PCDHA8: variants seen among roughly 807,000 people sequenced by gnomAD.
PCDHA8 encodes the protein protocadherin alpha-8.
In PCDHA8, 53 loss-of-function variants were observed where a neutral mutation model predicts 61.8. That is an observed-to-expected ratio of 0.86 (90% CI 0.69 to 1.08). The LOEUF (loss-of-function observed/expected upper bound fraction) is 1.08. PCDHA8 is among the 50% of genes least tolerant of loss of function. The pLI is 0.00. For synonymous variants in PCDHA8, 618 were observed against 556.6 expected, an observed-to-expected ratio of 1.11 and a Z score of -1.55; for missense variants, 1,293 against 1,245.0, an observed-to-expected ratio of 1.04 and a Z score of -0.58.
rs2150363513 is a variant in PCDHA8 at position 140,843,612 on chromosome 5, C to T, written c.2291C>T (p.Pro764Leu). The T allele has an allele frequency of 2.5e-6, 4 of 1,595,894 alleles. No individual in the cohort carries two copies. In the African/African-American group the frequency reaches 5.4e-5, roughly 21 times the overall value. Residue 764 changes from proline to leucine, a missense_variant, in exon 1 of 4, where the codon CCA becomes CTA. Coordinates refer to ENST00000531613, the MANE Select transcript of PCDHA8 (RefSeq NM_018911.3). ...CAGAGGGTGTGCTCTGGTGAGGGGC[C>T]ACCGAAGACGGACCTCATGGCCTTC... ...QPQRVCSGEG[P>L]PKTDLMAFSP...
At chr5:140,927,893 A>G (rs1554205201) in intron 1 of PCDHA8, 1 of 1,614,050 alleles carries the variant, frequency 6.2e-7, no homozygotes, top group Non-Finnish European at 8.5e-7. Flanking sequence ...ACTGACGTGA[A>G]CGATCATGCC....
intron 1 of PCDHA8, among the ~76,000 whole-genome samples, chr5:140,903,649 T>C (rs1335268583): frequency 6.6e-6 from 1 of 152,236 alleles, no homozygotes; most frequent in Non-Finnish European, 1.5e-5. Context: ...CATATACATA[T>C]ATTATAAATT....
intron 1 of PCDHA8, chr5:140,850,885 G>C: frequency 1.3e-6 from 2 of 1,582,746 alleles, no homozygotes; most frequent in South Asian, 1.1e-5. Flanking sequence ...GATTCAACTG[G>C]GAAGGTGGGT....
At chr5:140,997,656 T>G (rs2153947694) in intron 3 of PCDHA8, among the ~76,000 whole-genome samples, 1 of 149,610 alleles carries the variant, frequency 6.7e-6, no homozygotes. Flanking sequence ...GCAATATGTA[T>G]TATTATACAG....
At position 140,842,431 on chromosome 5, in the gene PCDHA8, C is replaced by T. The variant is rs2150335989; in HGVS notation, c.1110C>T (p.Ala370=). ...ACGCTCAATTTGGTACTGTCATCGCCCTAATTAGCGTGAACGACCTCGATT... is the reference window on the plus strand; with the variant it reads ...ACGCTCAATTTGGTACTGTCATCGCTCTAATTAGCGTGAACGACCTCGATT... ...REDAQFGTVI[A]LISVNDLDSG... The change falls in exon 1 of 4, where the codon GCC becomes GCT. Residue 370 remains alanine (A), a synonymous_variant. Transcript: ENST00000531613. 2.5e-6 allele frequency: 4 copies of T among 1,613,646 alleles called. No individual in the cohort carries two copies. The highest frequency in any genetic ancestry group is 3.4e-6 in the Non-Finnish European group (4 of 1,179,682).
At chr5:140,984,013 A>G (rs1258063909) in intron 3 of PCDHA8, among the ~76,000 whole-genome samples, 1 of 152,234 alleles carries the variant, frequency 6.6e-6, no homozygotes, top group Non-Finnish European at 1.5e-5. Context: ...TAATATTGCC[A>G]GATTGCAAGG....
At chr5:140,967,649 T>C in intron 1 of PCDHA8, 1 of 1,614,132 alleles carries the variant, frequency 6.2e-7, no homozygotes. Context: ...GCTCAGGTAC[T>C]CCTTGAGCAG....
chr5:140,853,046 T>G (rs546337330), intron 1 of PCDHA8: 2 of 266,574 alleles, frequency 7.5e-6, no homozygotes, highest in Non-Finnish European at 1.2e-5. Flanking sequence ...GCCCGCCTAA[T>G]TTTTTTGTAT....
intron 1 of PCDHA8, among the ~76,000 whole-genome samples, chr5:140,881,147 A>T (rs982102013): frequency 1.3e-5 from 2 of 152,356 alleles, no homozygotes; most frequent in East Asian, 3.9e-4. Context: ...ATAACAATAG[A>T]TAAAAGTAAG....
chr5:140,922,876 A>G (rs782530609), intron 1 of PCDHA8, among the ~76,000 whole-genome samples: 10 of 152,234 alleles, frequency 6.6e-5, no homozygotes, highest in Non-Finnish European at 1.3e-4. Flanking sequence ...GAAAAAATCC[A>G]AAGACATCAT....
At chr5:140,980,347 C>G (rs1329268780) in intron 2 of PCDHA8, among the ~76,000 whole-genome samples, 2 of 152,132 alleles carry the variant, frequency 1.3e-5, no homozygotes, top group African/African-American at 4.8e-5. Context: ...ACATAACTTC[C>G]TGGACTGGGC....
At chr5:140,926,693 C>T (rs576013331) in intron 1 of PCDHA8, 12 of 742,944 alleles carry the variant, frequency 1.6e-5, no homozygotes, top group African/African-American at 9.2e-5. Context: ...CTAGCAAGCC[C>T]GGCTCCCAGC....
intron 1 of PCDHA8, among the ~76,000 whole-genome samples, chr5:140,875,022 C>A (rs1267699693): frequency 1.3e-5 from 2 of 152,116 alleles, no homozygotes; most frequent in Non-Finnish European, 2.9e-5. Context: ...TAGGTTCTGG[C>A]CTACTGTATT....
rs1342030965 is a variant in PCDHA8 at position 140,955,208 on chromosome 5, C to G, written c.2395-23741C>G. ...GGTGTATATGAAGTCAATCAAGTAG[C>G]ATGATGCCTCCAGCTTTGTTCTTTT... On this transcript the variant is annotated intron_variant, in intron 1 of 3. Transcript: ENST00000531613. 2.6e-5 allele frequency among the ~76,000 whole-genome samples: 4 copies of G among 152,140 alleles called. No individual in the cohort carries two copies. In the East Asian group the frequency reaches 7.7e-4, roughly 29 times the overall value.
At chr5:140,849,606 C>A (rs2150442387) in intron 1 of PCDHA8, 1 of 1,598,692 alleles carries the variant, frequency 6.3e-7, no homozygotes, top group East Asian at 2.2e-5. Context: ...AGTTATTGCC[C>A]TGATTAGTGT....
rs200436467 is a variant in PCDHA8 at position 140,883,790 on chromosome 5, G to A, written c.2394+40075G>A. 640 of 1,612,406 alleles carry A rather than the reference G, an allele frequency of 4.0e-4. No individual in the cohort carries two copies. The highest frequency in any genetic ancestry group is 5.2e-4 in the Non-Finnish European group (616 of 1,179,760). ...GGGCGAGCGTGCGCTGTCGAGCTAC[G>A]TGTCGGTGCACGCGGAGAGCGGCAA... is the stretch of plus-strand genomic sequence containing the variant. On this transcript the variant is annotated intron_variant, in intron 1 of 3. Transcript: ENST00000531613.
intron 1 of PCDHA8, among the ~76,000 whole-genome samples, chr5:140,915,642 C>CTCTG (rs1236956905): frequency 1.3e-5 from 2 of 152,012 alleles, no homozygotes; most frequent in African/African-American, 2.4e-5. Context: ...CTCTCTCTCT[C>CTCTG]TCTCTCTCTC....
At chr5:140,875,754 G>A (rs369339386) in intron 1 of PCDHA8, 2 of 1,614,254 alleles carry the variant, frequency 1.2e-6, no homozygotes, top group African/African-American at 2.7e-5. Flanking sequence ...ACCGCGAGAA[G>A]CTGTGCGGGC....
chr5:140,946,516 C>G (rs551838143), intron 1 of PCDHA8, among the ~76,000 whole-genome samples: 1 of 151,020 alleles, frequency 6.6e-6, no homozygotes, highest in Non-Finnish European at 1.5e-5. Context: ...AAGACCTATC[C>G]GCACTCCCAT....
Sources: gnomAD v4.1 joint callset for allele counts (sites outside exome capture counted in the v4.1 genomes callset) on GRCh38, gnomAD v4.1.1 for gene constraint, MANE v1.5 for transcripts, NCBI Gene and HGNC (gene_info 2026-07-23, HGNC 2026-07-21) for gene names.